RBFOX1: variants seen among roughly 807,000 people sequenced by gnomAD.
RBFOX1 encodes RNA binding protein fox-1 homolog 1.
Under a neutral mutation model 57.7 loss-of-function variants are expected in RBFOX1, and 8 were observed. The observed-to-expected ratio is 0.14, with a 90% CI of 0.08 to 0.25. The LOEUF is 0.25. RBFOX1 is among the 10% of genes least tolerant of loss of function. The pLI, the probability that RBFOX1 is intolerant of heterozygous loss-of-function variation, is 1.00. For missense variants in RBFOX1, 611 were observed against 548.5 expected, an observed-to-expected ratio of 1.11 and a Z score of -1.14; for synonymous variants, 326 against 222.4, an observed-to-expected ratio of 1.47 and a Z score of -4.15.
intron 3 of RBFOX1, among the ~76,000 whole-genome samples, chr16:6,713,850 C>G (rs17141052): frequency 0.011 from 1,621 of 152,254 alleles, 28 homozygotes; most frequent in African/African-American, 0.037. Context: ...TGGCAAGATC[C>G]TTGGTAAGAC....
At chr16:5,268,293 A>G (rs1596345265) in intron 1 of RBFOX1, among the ~76,000 whole-genome samples, 1 of 152,352 alleles carries the variant, frequency 6.6e-6, no homozygotes. Context: ...AATTTGCCGT[A>G]TAACTGTGCC....
chr16:5,472,150 C>T (rs1010962146), intron 2 of RBFOX1, among the ~76,000 whole-genome samples: 1 of 152,150 alleles, frequency 6.6e-6, no homozygotes, highest in African/African-American at 2.4e-5. Context: ...CTCTCCCTGC[C>T]TTCTAGCATC....
At chr16:6,365,090 C>T (rs1032833325) in intron 2 of RBFOX1, among the ~76,000 whole-genome samples, 1 of 82,612 alleles carries the variant, frequency 1.2e-5, no homozygotes, top group Non-Finnish European at 2.3e-5. Flanking sequence ...ATGGGATTCA[C>T]CCTTAAAAAA....
rs369607746 is a variant in RBFOX1, at chr16:7,488,587, CGTCT to C, written c.28-29559_28-29556del. Reference sequence around the variant, plus strand: ...ATCATATGTTTATCCATTCTGACATCGTCTATCTATACGTTCATCCGTTACACAC... The same window carrying C: ...ATCATATGTTTATCCATTCTGACATCATCTATACGTTCATCCGTTACACAC... On this transcript the variant is annotated intron_variant, in intron 4 of 15. Coordinates refer to ENST00000550418, the MANE Select transcript of RBFOX1 (RefSeq NM_018723.4). Among the ~76,000 whole-genome samples, 441 of 152,144 alleles carry C rather than the reference CGTCT, an allele frequency of 2.9e-3. 4 individuals are homozygous for C. Among genetic ancestry groups the C allele is most frequent in the African/African-American group, 9.6e-3 (400 of 41,534 alleles).
chr16:5,251,721 G>A (rs2062457881), intron 1 of RBFOX1, among the ~76,000 whole-genome samples: 1 of 151,588 alleles, frequency 6.6e-6, no homozygotes. Context: ...AAATTTTCTG[G>A]GGTGATTGAA....
intron 1 of RBFOX1, among the ~76,000 whole-genome samples, chr16:6,082,247 C>G (rs1273317199): frequency 7.5e-6 from 1 of 133,528 alleles, no homozygotes; most frequent in African/African-American, 2.8e-5. Context: ...GTGGTGCAAT[C>G]TCGGCTCATT....
rs566629928 is a variant in RBFOX1, at chr16:6,077,732, T to A, written c.-127+57740T>A. On this transcript the variant is annotated intron_variant, in intron 1 of 15. Coordinates refer to ENST00000550418, the MANE Select transcript of RBFOX1 (RefSeq NM_018723.4). The stretch of plus-strand genomic sequence containing the variant: ...TATTCATTTATGTATTTATTTATTT[T>A]TTGAGTTTGGGTCTTGCTCTGTCAC... 8.4e-5 allele frequency among the ~76,000 whole-genome samples: 9 copies of A among 107,604 alleles called. No homozygotes were observed. In the East Asian group the frequency reaches 2.2e-3, roughly 26 times the overall value. 70.6% of individuals were successfully genotyped at this position (107,604 alleles called of 152,430 possible).
At chr16:6,642,832 T>C (rs1187696123) in intron 2 of RBFOX1, among the ~76,000 whole-genome samples, 1 of 152,104 alleles carries the variant, frequency 6.6e-6, no homozygotes, top group African/African-American at 2.4e-5. Flanking sequence ...CCTCCAAATG[T>C]TTATAAAGTC....
intron 4 of RBFOX1, among the ~76,000 whole-genome samples, chr16:7,385,774 G>C (rs987409457): frequency 6.6e-6 from 1 of 151,930 alleles, no homozygotes; most frequent in Non-Finnish European, 1.5e-5. Flanking sequence ...TTTTTTTCGA[G>C]ATAGAGTCTC....
intron 1 of RBFOX1, among the ~76,000 whole-genome samples, chr16:6,255,635 C>CT (rs1468241030): frequency 2.0e-5 from 3 of 151,926 alleles, no homozygotes; most frequent in Non-Finnish European, 2.9e-5. Flanking sequence ...GAAGTGGTGC[C>CT]TGTGGTCAAC....
intron 4 of RBFOX1, among the ~76,000 whole-genome samples, chr16:7,188,109 G>T (rs1439410933): frequency 2.0e-5 from 3 of 152,074 alleles, no homozygotes; most frequent in African/African-American, 4.8e-5. Context: ...TGGTAATTGT[G>T]TTTAACAATT....
At chr16:6,587,522 T>C (rs2097646907) in intron 2 of RBFOX1, among the ~76,000 whole-genome samples, 1 of 152,112 alleles carries the variant, frequency 6.6e-6, no homozygotes, top group Admixed American at 6.6e-5. Flanking sequence ...CCTAAAGTGA[T>C]CCACCTGCCT....
At chr16:5,777,591 C>G (rs895365292) in intron 3 of RBFOX1, among the ~76,000 whole-genome samples, 1 of 152,306 alleles carries the variant, frequency 6.6e-6, no homozygotes, top group Non-Finnish European at 1.5e-5. Flanking sequence ...GGTCTTCGAG[C>G]AGGTCACTCA....
At chr16:6,974,374 T>C (rs1207262002) in intron 3 of RBFOX1, among the ~76,000 whole-genome samples, 1 of 145,696 alleles carries the variant, frequency 6.9e-6, no homozygotes, top group East Asian at 2.1e-4. Flanking sequence ...CGATAGAGTC[T>C]TGCTTTGTTG....
chr16:5,818,634 A>G (rs2055733389), intron 3 of RBFOX1, among the ~76,000 whole-genome samples: 1 of 152,220 alleles, frequency 6.6e-6, no homozygotes, highest in Non-Finnish European at 1.5e-5. Flanking sequence ...TAGAAGAATT[A>G]GATAGGACCC....
intron 3 of RBFOX1, among the ~76,000 whole-genome samples, chr16:6,844,147 C>A (rs2093637248): frequency 6.7e-6 from 1 of 149,122 alleles, no homozygotes; most frequent in Non-Finnish European, 1.5e-5. Flanking sequence ...TCCATCATTA[C>A]CCCTACAGGC....
At chr16:6,445,051 A>C (rs1267437004) in intron 2 of RBFOX1, among the ~76,000 whole-genome samples, 2 of 152,094 alleles carry the variant, frequency 1.3e-5, no homozygotes, top group East Asian at 3.9e-4. Context: ...TGAGGTGGAA[A>C]CAGAGAGGAG....
In RBFOX1 at chr16:7,265,892, T is replaced by C. The variant is rs754639260; in HGVS notation, c.27+213794T>C. On this transcript the variant is annotated intron_variant, in intron 4 of 15. Transcript: ENST00000550418. ...GGCCTGGTAAGAGCTGTTTAGATCA[T>C]GGGAATGGGTTCTTCCTTGCTTGGT... is the stretch of plus-strand genomic sequence containing the variant. 5.3e-5 allele frequency among the ~76,000 whole-genome samples: 8 copies of C among 150,904 alleles called. 1 individual carries two copies. The highest frequency in any genetic ancestry group is 1.2e-4 in the Non-Finnish European group (8 of 67,904).
chr16:6,595,639 T>C (rs2097769837), intron 2 of RBFOX1, among the ~76,000 whole-genome samples: 2 of 152,212 alleles, frequency 1.3e-5, no homozygotes, highest in South Asian at 4.1e-4. Context: ...TCCAAACCGT[T>C]TTCCAACGTG....
Sources: gnomAD v4.1 joint callset for allele counts (sites outside exome capture counted in the v4.1 genomes callset) on GRCh38, gnomAD v4.1.1 for gene constraint, MANE v1.5 for transcripts, NCBI Gene and HGNC (gene_info 2026-07-23, HGNC 2026-07-21) for gene names.